OLFM3: variants seen among roughly 807,000 people sequenced by gnomAD.
OLFM3 encodes olfactomedin 3, also known as noelin-3.
OLFM3 carries 20 observed loss-of-function variants against 48.6 expected under a neutral mutation model. The observed-to-expected ratio is 0.41, with a 90% CI of 0.29 to 0.60. The LOEUF (loss-of-function observed/expected upper bound fraction) is 0.60. Among genes scored for constraint, OLFM3 ranks in the 20% least tolerant of loss-of-function variants. The pLI, the probability that OLFM3 is intolerant of heterozygous loss-of-function variation, is 0.28. For missense variants in OLFM3, 437 were observed against 544.3 expected (o/e 0.80, Z 1.96); for synonymous variants, 222 against 198.1 (o/e 1.12, Z -1.01).
intron 4 of OLFM3, among the ~76,000 whole-genome samples, chr1:101,808,777 T>A (rs866655093): frequency 5.9e-5 from 9 of 151,872 alleles, no homozygotes; most frequent in South Asian, 4.1e-4. Context: ...TTCAAAACTT[T>A]AAAAATATAT....
At chr1:101,884,646 TA>T (rs756855961) in intron 1 of OLFM3, among the ~76,000 whole-genome samples, 28 of 152,010 alleles carry the variant, frequency 1.8e-4, no homozygotes, top group Non-Finnish European at 4.4e-5. Context: ...ACTGCCCTAT[TA>T]AAGCCTTGAA....
At chr1:101,987,210 T>A (rs1661266815) in intron 1 of OLFM3, among the ~76,000 whole-genome samples, 1 of 152,218 alleles carries the variant, frequency 6.6e-6, no homozygotes, top group Admixed American at 6.5e-5. Flanking sequence ...TTCATTACCC[T>A]CAAATGTCTT....
intron 1 of OLFM3, among the ~76,000 whole-genome samples, chr1:101,845,653 T>C (rs1655958934): frequency 6.6e-6 from 1 of 152,188 alleles, no homozygotes; most frequent in Admixed American, 6.5e-5. Context: ...CCAAATCTCT[T>C]TTACATCCTT....
intron 1 of OLFM3, among the ~76,000 whole-genome samples, chr1:101,897,708 T>C (rs1025058418): frequency 7.9e-5 from 12 of 152,258 alleles, no homozygotes; most frequent in Admixed American, 3.9e-4. Flanking sequence ...GAAAAGTAAA[T>C]AACATTGTTC....
chr1:101,941,377 C>G (rs1170350753), intron 1 of OLFM3, among the ~76,000 whole-genome samples: 1 of 152,068 alleles, frequency 6.6e-6, no homozygotes, highest in Non-Finnish European at 1.5e-5. Flanking sequence ...GATGGAATTT[C>G]TGAATGTGGG....
intron 1 of OLFM3, among the ~76,000 whole-genome samples, chr1:101,859,200 G>A (rs1656548668): frequency 6.6e-6 from 1 of 152,074 alleles, no homozygotes; most frequent in Admixed American, 6.6e-5. Flanking sequence ...TCTCCAAAGA[G>A]AAGATTAAAC....
chr1:101,830,422 T>C (rs1655089717), intron 3 of OLFM3, among the ~76,000 whole-genome samples: 1 of 152,186 alleles, frequency 6.6e-6, no homozygotes, highest in South Asian at 2.1e-4. Flanking sequence ...TAATTTTCCT[T>C]GGGGAAATTT....
chr1:101,949,279 G>A (rs1660048853), intron 1 of OLFM3, among the ~76,000 whole-genome samples: 1 of 151,990 alleles, frequency 6.6e-6, no homozygotes, highest in South Asian at 2.1e-4. Context: ...CTTGACCTCT[G>A]AATGCTGGAG....
At chr1:101,858,904 T>G (rs11164316) in intron 1 of OLFM3, among the ~76,000 whole-genome samples, 1 of 151,884 alleles carries the variant, frequency 6.6e-6, no homozygotes, top group East Asian at 1.9e-4. Flanking sequence ...ATACAGTCAT[T>G]AACTGTTAGT....
intron 1 of OLFM3, among the ~76,000 whole-genome samples, chr1:101,855,074 T>A (rs548304745): frequency 1.3e-5 from 2 of 152,210 alleles, no homozygotes; most frequent in African/African-American, 4.8e-5. Flanking sequence ...ATTAACAATA[T>A]AAAATTTATC....
At chr1:101,848,784 A>AG (rs934369745) in intron 1 of OLFM3, among the ~76,000 whole-genome samples, 4 of 152,150 alleles carry the variant, frequency 2.6e-5, no homozygotes, top group Admixed American at 2.0e-4. Context: ...TTAATAAAGA[A>AG]GGGGGGTGTC....
At chr1:101,863,770 T>C (rs1293426232) in intron 1 of OLFM3, among the ~76,000 whole-genome samples, 1 of 152,218 alleles carries the variant, frequency 6.6e-6, no homozygotes, top group Non-Finnish European at 1.5e-5. Context: ...AAACGCTGTC[T>C]GCTAAAGTGA....
chr1:101,891,750 G>A (rs531284658), intron 1 of OLFM3, among the ~76,000 whole-genome samples: 1 of 152,066 alleles, frequency 6.6e-6, no homozygotes, highest in South Asian at 2.1e-4. Context: ...ATGTGTATAT[G>A]CAAAGCTATC....
chr1:101,893,821 G>T, intron 1 of OLFM3: 1 of 152,998 alleles, frequency 6.5e-6, no homozygotes, highest in Non-Finnish European at 1.5e-5. Flanking sequence ...TCTTGATAAT[G>T]GCTTTCCCTT....
At chr1:101,814,011 T>C (rs2100874891) in intron 4 of OLFM3, among the ~76,000 whole-genome samples, 1 of 152,280 alleles carries the variant, frequency 6.6e-6, no homozygotes, top group African/African-American at 2.4e-5. Flanking sequence ...ATATGATAAT[T>C]ATGTATGAAA....
At chr1:101,913,129 T>C (rs1010640768) in intron 1 of OLFM3, among the ~76,000 whole-genome samples, 10 of 152,188 alleles carry the variant, frequency 6.6e-5, no homozygotes, top group Non-Finnish European at 1.0e-4. Flanking sequence ...TTTAGCTTTC[T>C]AAGTTTAGTT....
intron 1 of OLFM3, among the ~76,000 whole-genome samples, chr1:101,936,805 G>A (rs968092500): frequency 2.0e-5 from 3 of 151,924 alleles, no homozygotes; most frequent in African/African-American, 7.3e-5. Flanking sequence ...ATAAAGCTGC[G>A]CACCTACAAC....
At chr1:101,991,950 T>C (rs768238918) in intron 1 of OLFM3, among the ~76,000 whole-genome samples, 1 of 152,052 alleles carries the variant, frequency 6.6e-6, no homozygotes, top group Non-Finnish European at 1.5e-5. Context: ...AACTAGACCC[T>C]ACAAAAGAAT....
intron 1 of OLFM3, among the ~76,000 whole-genome samples, chr1:101,961,610 G>T (rs1481380406): frequency 6.6e-6 from 1 of 152,024 alleles, no homozygotes; most frequent in Non-Finnish European, 1.5e-5. Context: ...CATCAATATT[G>T]TTCTGATTTC....
Sources: allele counts gnomAD v4.1 joint callset (sites outside exome capture counted in the v4.1 genomes callset), GRCh38; gene constraint gnomAD v4.1.1; transcripts MANE v1.5; gene names NCBI Gene and HGNC (gene_info 2026-07-23, HGNC 2026-07-21).